Variants in SLIT2 observed in about 807,000 individuals in gnomAD.
SLIT2 encodes slit homolog 2 protein.
Under a neutral mutation model 185.7 loss-of-function variants are expected in SLIT2, and 41 were observed. The observed-to-expected ratio is 0.22, with a 90% CI of 0.17 to 0.29. The LOEUF (loss-of-function observed/expected upper bound fraction) is 0.29. SLIT2 is among the 10% of genes least tolerant of loss of function. SLIT2 has a pLI of 1.00. For missense variants in SLIT2, 1,571 were observed against 1,909.0 expected (o/e 0.82, Z 3.30); for synonymous variants, 693 against 680.2 (o/e 1.02, Z -0.29).
intron 30 of SLIT2, 108 bp downstream of exon 30, chr4:20,589,845 G>A (rs1356416344): frequency 5.6e-6 from 4 of 713,470 alleles, no homozygotes; most frequent in Admixed American, 4.5e-5. Flanking sequence ...CAGGATTAAA[G>A]GGACCTATTC....
intron 12 of SLIT2, 144 bp from the exon 13 acceptor site, chr4:20,523,616 A>T (rs1721026781): frequency 3.0e-6 from 2 of 669,736 alleles, no homozygotes; most frequent in Admixed American, 2.8e-5. Context: ...CTAGCCTCTA[A>T]TTCCTAAATT....
intron 4 of SLIT2, among the ~76,000 whole-genome samples, chr4:20,272,425 G>A (rs942734658): frequency 6.6e-6 from 1 of 152,072 alleles, no homozygotes; most frequent in Admixed American, 6.6e-5. Context: ...GTTAACTGAA[G>A]AAGAGATTGC....
intron 4 of SLIT2, among the ~76,000 whole-genome samples, chr4:20,410,536 G>A (rs1475649200): frequency 6.6e-6 from 1 of 151,778 alleles, no homozygotes; most frequent in African/African-American, 2.4e-5. Flanking sequence ...TTACAGGTGT[G>A]AGCCACTGCA....
In SLIT2 at chr4:20,558,594, A is replaced by G. The variant is rs571158252; in HGVS notation, c.2725+4626A>G. On this transcript the variant is annotated intron_variant, in intron 26 of 36. Coordinates refer to ENST00000504154, the MANE Select transcript of SLIT2 (RefSeq NM_004787.4). ...ATTCACTTTATTGCGGTAGTCTGGA[A>G]CCAAACCCACAATATCTCCAAGGTC... Among the ~76,000 whole-genome samples the G allele has an allele frequency of 5.3e-4, 80 of 152,156 alleles. No homozygotes were observed. The South Asian group carries it at 0.017, about 32-fold the overall frequency.
chr4:20,580,802 C>T (rs746351388), intron 29 of SLIT2, among the ~76,000 whole-genome samples: 4 of 152,062 alleles, frequency 2.6e-5, no homozygotes, highest in African/African-American at 4.8e-5. Context: ...TCTTGAAGCA[C>T]GGGGAGCCTT....
At chr4:20,334,957 G>A (rs377124504) in intron 4 of SLIT2, among the ~76,000 whole-genome samples, 18 of 152,260 alleles carry the variant, frequency 1.2e-4, no homozygotes, top group East Asian at 1.9e-4. Flanking sequence ...TTCAGGGATC[G>A]AATAAATAAA....
chr4:20,518,585 A>T (rs1425701813), intron 11 of SLIT2, among the ~76,000 whole-genome samples: 4 of 23,188 alleles, frequency 1.7e-4, no homozygotes, highest in Admixed American at 8.7e-4. Flanking sequence ...ATATATATAT[A>T]TATTTTTTTT....
Position 20,539,537 on chromosome 4 carries a change from T to A in SLIT2, c.1929T>A (p.Thr643=). Reference sequence around the variant, plus strand: ...TTTCTTTGTATGATAATCAAATTACTACAGTTGCACCAGGGGCATTTGATA... The same window carrying A: ...TTTCTTTGTATGATAATCAAATTACAACAGTTGCACCAGGGGCATTTGATA... ...RLLSLYDNQI[T]TVAPGAFDTL... Residue 643 remains threonine (T), a synonymous_variant, in exon 19 of 37, where the codon ACT becomes ACA. Coordinates refer to ENST00000504154, the MANE Select transcript of SLIT2 (RefSeq NM_004787.4). 1 of 1,612,816 alleles carries A rather than the reference T, an allele frequency of 6.2e-7. No homozygotes were observed. Among genetic ancestry groups the A allele is most frequent in the Non-Finnish European group, 8.5e-7 (1 of 1,178,862 alleles).
chr4:20,544,427 A>ACCCTGTG, intron 21 of SLIT2, among the ~76,000 whole-genome samples: 1 of 152,158 alleles, frequency 6.6e-6, no homozygotes, highest in Admixed American at 6.6e-5. Context: ...TGTGCTATCT[A>ACCCTGTG]CAGCATATTT....
intron 4 of SLIT2, among the ~76,000 whole-genome samples, chr4:20,391,408 T>C (rs774323731): frequency 6.6e-6 from 1 of 151,956 alleles, no homozygotes; most frequent in Non-Finnish European, 1.5e-5. Context: ...AGCAATTTCA[T>C]TGCACCAAGT....
At chr4:20,298,804 C>T (rs1195558236) in intron 4 of SLIT2, among the ~76,000 whole-genome samples, 1 of 152,188 alleles carries the variant, frequency 6.6e-6, no homozygotes, top group Admixed American at 6.5e-5. Flanking sequence ...TTCCCCTTCA[C>T]AATGTCTTAT....
chr4:20,586,340 A>G (rs977213010), intron 29 of SLIT2, among the ~76,000 whole-genome samples: 1 of 152,198 alleles, frequency 6.6e-6, no homozygotes, highest in East Asian at 1.9e-4. Context: ...GGCTAGAATG[A>G]AATCTGAGTT....
At chr4:20,544,883 T>G (rs939650350) in intron 21 of SLIT2, among the ~76,000 whole-genome samples, 1 of 151,948 alleles carries the variant, frequency 6.6e-6, no homozygotes, top group African/African-American at 2.4e-5. Context: ...TTCCCTCTAG[T>G]GGTATCAAGA....
At chr4:20,458,094 A>G (rs979494842) in intron 4 of SLIT2, among the ~76,000 whole-genome samples, 2 of 151,742 alleles carry the variant, frequency 1.3e-5, no homozygotes, top group Non-Finnish European at 2.9e-5. Flanking sequence ...TATGCAAAAA[A>G]AAAAAAAAAA....
intron 18 of SLIT2, among the ~76,000 whole-genome samples, chr4:20,534,849 T>C (rs1722126220): frequency 6.6e-6 from 1 of 152,142 alleles, no homozygotes; most frequent in South Asian, 2.1e-4. Flanking sequence ...AAGCCCTCCC[T>C]GCACCTAAGA....
chr4:20,544,036 A>T (rs1170108406), intron 21 of SLIT2, among the ~76,000 whole-genome samples: 4 of 151,470 alleles, frequency 2.6e-5, no homozygotes, highest in Non-Finnish European at 4.4e-5. Flanking sequence ...GTGTGGGGGG[A>T]TGGGGGAGGG....
At chr4:20,262,087 T>A (rs1009547506) in intron 3 of SLIT2, among the ~76,000 whole-genome samples, 2 of 151,990 alleles carry the variant, frequency 1.3e-5, no homozygotes, top group Non-Finnish European at 2.9e-5. Flanking sequence ...AACTTAGACA[T>A]TTAAAGTTTC....
intron 10 of SLIT2, 68 bp downstream of exon 10, chr4:20,510,634 A>T (rs2148825093): frequency 2.1e-6 from 2 of 956,466 alleles, no homozygotes; most frequent in East Asian, 4.8e-5. Context: ...CCATGCAAAG[A>T]AACTTAAGTA....
chr4:20,355,952 C>T lies in SLIT2; in HGVS notation c.395+87071C>T, dbSNP rs1027084347. ...ATGCATACATTTGACTGATAGGATA[C>T]AGACTTTTAAGGACCTAGCATTATA... On this transcript the variant is annotated intron_variant, in intron 4 of 36. Transcript: ENST00000504154. Among the ~76,000 whole-genome samples the T allele has an allele frequency of 5.9e-5, 9 of 152,140 alleles. No individual in the cohort carries two copies. The South Asian group carries it at 1.5e-3, about 25-fold the overall frequency.
Sources: allele counts gnomAD v4.1 joint callset (sites outside exome capture counted in the v4.1 genomes callset), GRCh38; gene constraint gnomAD v4.1.1; transcripts MANE v1.5; gene names NCBI Gene and HGNC (gene_info 2026-07-23, HGNC 2026-07-21).